DENND1A: variants seen among roughly 807,000 people sequenced by gnomAD.
DENND1A encodes the protein DENN domain-containing protein 1A.
Under a neutral mutation model 113.7 loss-of-function variants are expected in DENND1A, and 51 were observed. That is an observed-to-expected ratio of 0.45 (90% confidence interval 0.36 to 0.57). The LOEUF is 0.57. Ranked by LOEUF, DENND1A falls within the 20% of genes least tolerant of loss-of-function variation. The pLI, the probability that DENND1A is intolerant of heterozygous loss-of-function variation, is 0.00. For missense variants in DENND1A, 1,258 were observed against 1,395.9 expected, an observed-to-expected ratio of 0.90 and a Z score of 1.57; for synonymous variants, 565 against 570.8, an observed-to-expected ratio of 0.99 and a Z score of 0.14.
At chr9:123,880,005 A>C (rs1848089511) in intron 1 of DENND1A, among the ~76,000 whole-genome samples, 1 of 152,014 alleles carries the variant, frequency 6.6e-6, no homozygotes, top group Non-Finnish European at 1.5e-5. Context: ...ACAGTTCATA[A>C]ATTTGTTTAT....
chr9:123,782,465 T>C (rs1831468204), intron 3 of DENND1A, among the ~76,000 whole-genome samples: 1 of 152,240 alleles, frequency 6.6e-6, no homozygotes, highest in African/African-American at 2.4e-5. Context: ...GTGTGAAGAC[T>C]ATTCAGTCAC....
At chr9:123,571,221 CAG>C (rs1179126469) in intron 12 of DENND1A, among the ~76,000 whole-genome samples, 1 of 152,184 alleles carries the variant, frequency 6.6e-6, no homozygotes, top group Admixed American at 6.5e-5. Flanking sequence ...TAAAAATCAG[CAG>C]AGTTGTTCTG....
intron 4 of DENND1A, among the ~76,000 whole-genome samples, chr9:123,760,674 T>G (rs898345782): frequency 6.6e-6 from 1 of 152,178 alleles, no homozygotes. Flanking sequence ...TTGGATACTG[T>G]GTTACTATGG....
At chr9:123,731,944 A>G (rs564241430) in intron 5 of DENND1A, among the ~76,000 whole-genome samples, 3 of 152,254 alleles carry the variant, frequency 2.0e-5, no homozygotes, top group South Asian at 2.1e-4. Flanking sequence ...GAAGATATAC[A>G]AATGACAAAT....
At chr9:123,412,545 C>A (rs143787750) in intron 19 of DENND1A, among the ~76,000 whole-genome samples, 5 of 152,264 alleles carry the variant, frequency 3.3e-5, no homozygotes, top group African/African-American at 1.2e-4. Context: ...ATCTGCTCAA[C>A]AAGCGTCTGA....
intron 11 of DENND1A, among the ~76,000 whole-genome samples, chr9:123,588,356 C>G (rs982368369): frequency 2.7e-5 from 4 of 150,520 alleles, no homozygotes; most frequent in African/African-American, 9.8e-5. Context: ...CGATGGCTCA[C>G]GCTTGTAATC....
chr9:123,583,103 C>T, intron 12 of DENND1A, 66 bp downstream of exon 12: 1 of 1,252,080 alleles, frequency 8.0e-7, no homozygotes, highest in Non-Finnish European at 1.1e-6. Flanking sequence ...CCCCATTCCC[C>T]AAAGTCACGT....
At chr9:123,487,173 CT>C (rs1156763554) in intron 13 of DENND1A, among the ~76,000 whole-genome samples, 1 of 152,222 alleles carries the variant, frequency 6.6e-6, no homozygotes, top group East Asian at 1.9e-4. Flanking sequence ...ATCATTTGAG[CT>C]CCTGGATCCA....
chr9:123,620,683 T>C (rs1215273165), intron 10 of DENND1A, among the ~76,000 whole-genome samples: 1 of 152,172 alleles, frequency 6.6e-6, no homozygotes, highest in African/African-American at 2.4e-5. Context: ...AACACACATT[T>C]GTGTATGTGT....
intron 12 of DENND1A, among the ~76,000 whole-genome samples, chr9:123,563,931 G>T (rs971611830): frequency 6.6e-6 from 1 of 152,148 alleles, no homozygotes; most frequent in Admixed American, 6.5e-5. Flanking sequence ...CCAACTTTCT[G>T]TCAGAACAAA....
intron 9 of DENND1A, among the ~76,000 whole-genome samples, chr9:123,636,529 C>T (rs2061709595): frequency 6.6e-6 from 1 of 152,032 alleles, no homozygotes; most frequent in Non-Finnish European, 1.5e-5. Flanking sequence ...ATTGGCCAGG[C>T]TGGTCTCGAA....
At chr9:123,765,028 T>C (rs2071350861) in intron 4 of DENND1A, among the ~76,000 whole-genome samples, 1 of 152,216 alleles carries the variant, frequency 6.6e-6, no homozygotes, top group Non-Finnish European at 1.5e-5. Flanking sequence ...AGGGTGAATC[T>C]GCAGAGGAGA....
At chr9:123,444,155 G>T (rs148761252) in intron 18 of DENND1A, among the ~76,000 whole-genome samples, 2 of 152,232 alleles carry the variant, frequency 1.3e-5, no homozygotes, top group Non-Finnish European at 2.9e-5. Context: ...ATATAAATTG[G>T]CAATTTATAT....
intron 11 of DENND1A, among the ~76,000 whole-genome samples, chr9:123,595,210 C>A (rs540663661): frequency 2.8e-4 from 43 of 152,140 alleles, no homozygotes; most frequent in Non-Finnish European, 5.4e-4. Context: ...GTGGTGTAAG[C>A]ACCTCCCAGG....
intron 1 of DENND1A, among the ~76,000 whole-genome samples, chr9:123,897,729 G>A (rs565417875): frequency 1.2e-4 from 18 of 152,226 alleles, no homozygotes; most frequent in Admixed American, 1.1e-3. Context: ...AACACTTTGA[G>A]AGGCCAAGAG....
chr9:123,765,082 G>T (rs541603187), intron 4 of DENND1A, among the ~76,000 whole-genome samples: 34 of 152,310 alleles, frequency 2.2e-4, no homozygotes, highest in Middle Eastern at 3.4e-3. Context: ...CTATGTCTGT[G>T]TGGGTTTCAT....
intron 3 of DENND1A, among the ~76,000 whole-genome samples, chr9:123,782,962 C>T (rs1831549473): frequency 6.6e-6 from 1 of 151,212 alleles, no homozygotes; most frequent in Non-Finnish European, 1.5e-5. Flanking sequence ...ACTGAAGTTA[C>T]ACAGTTGAAA....
intron 5 of DENND1A, among the ~76,000 whole-genome samples, chr9:123,729,990 G>A (rs534489761): frequency 1.7e-4 from 26 of 152,062 alleles, no homozygotes; most frequent in Non-Finnish European, 2.6e-4. Context: ...AAAAACCTGA[G>A]AAAAACAAGC....
intron 1 of DENND1A, among the ~76,000 whole-genome samples, chr9:123,914,535 A>T (rs914043111): frequency 4.7e-5 from 6 of 126,400 alleles, no homozygotes; most frequent in African/African-American, 2.2e-4. Context: ...ACAGAGCAAG[A>T]CTCCATCTCA....
Sources: gnomAD v4.1 joint callset for allele counts (sites outside exome capture counted in the v4.1 genomes callset) on GRCh38, gnomAD v4.1.1 for gene constraint, MANE v1.5 for transcripts, NCBI Gene and HGNC (gene_info 2026-07-23, HGNC 2026-07-21) for gene names.